AMPD1: variants seen among roughly 807,000 people sequenced by gnomAD.
The protein encoded by AMPD1 is AMP deaminase 1.
A neutral mutation model predicts 82.9 loss-of-function variants in AMPD1; 74 were observed. That is an observed-to-expected ratio of 0.89 (90% CI 0.74 to 1.08). AMPD1 has a LOEUF of 1.08. AMPD1 is among the 50% of genes least tolerant of loss of function. The pLI is 0.00. For synonymous variants in AMPD1, 333 were observed against 320.5 expected (o/e 1.04, Z -0.42); for missense variants, 881 against 924.5 (o/e 0.95, Z 0.61).
At position 114,677,964 on chromosome 1, in the gene AMPD1, G is replaced by C. The variant is rs566349141; in HGVS notation, c.1170C>G (p.Leu390=). 2.5e-5 allele frequency: 41 copies of C among 1,613,962 alleles called. 3 individuals carry two copies. In the South Asian group the frequency reaches 3.7e-4, roughly 15 times the overall value. ...TAATGTAATTGTCTGTCTTCAAGTA[G>C]AGGTCCCGTAGCTCACTTGCTCCTA... is the stretch of plus-strand genomic sequence containing the variant. The part of the protein sequence containing the change: ...NPVGASELRD[L]YLKTDNYING... Residue 390 remains leucine, a synonymous_variant, in exon 9 of 16, where the codon CTC becomes CTG. Transcript: ENST00000520113.
chr1:114,685,709 T>G (rs1195962435), intron 4 of AMPD1, among the ~76,000 whole-genome samples: 2 of 152,218 alleles, frequency 1.3e-5, no homozygotes, highest in Non-Finnish European at 2.9e-5. Flanking sequence ...GGTATGAAGT[T>G]TATCTCCAAA....
At chr1:114,688,387 C>T (rs1053045257) in intron 3 of AMPD1, among the ~76,000 whole-genome samples, 174 bp downstream of exon 3, 5 of 152,204 alleles carry the variant, frequency 3.3e-5, no homozygotes, top group South Asian at 2.1e-4. Flanking sequence ...CTCGGCCTCC[C>T]AGAGTGCTGG....
rs200543002 is a variant in AMPD1, at chr1:114,686,890, C to A, written c.236G>T (p.Arg79Leu). The A allele has an allele frequency of 1.2e-6, 2 of 1,614,044 alleles. No individual in the cohort carries two copies. The highest frequency in any genetic ancestry group is 2.7e-5 in the African/African-American group (2 of 74,916). Residue 79 changes from arginine (R) to leucine (L), a missense_variant, in exon 4 of 16, where the codon CGG becomes CTG. Around this residue, in one of 2 missense-constraint regions of AMPD1, gnomAD observed 783 missense variants for 786.4 expected, o/e 1.00. Coordinates refer to ENST00000520113, the MANE Select transcript of AMPD1 (RefSeq NM_000036.3). ...EARRKKRFQGRKTVNLSIPLS... is the reference protein window; with the variant it reads ...EARRKKRFQGLKTVNLSIPLS... ...TGGAATGGACAAATTAACAGTCTTC[C>A]GTCCTTGGAAACGCTTTTTTCTGGG...
intron 5 of AMPD1, 92 bp downstream of exon 5, chr1:114,684,107 T>C: frequency 1.5e-6 from 2 of 1,340,378 alleles, no homozygotes; most frequent in South Asian, 2.6e-5. Flanking sequence ...ATTTTTAGAC[T>C]GGATTACTTA....
At chr1:114,678,144 G>C (rs2101714598) in intron 8 of AMPD1, 103 bp from the exon 9 acceptor site, 1 of 1,507,720 alleles carries the variant, frequency 6.6e-7, no homozygotes, top group Non-Finnish European at 9.2e-7. Context: ...AGTGGGGGAG[G>C]GCATTGGGCT....
At position 114,674,843 on chromosome 1, in the gene AMPD1, C is replaced by G; in HGVS notation, c.1709G>C (p.Arg570Pro). 2 of 1,613,968 alleles carry G rather than the reference C, an allele frequency of 1.2e-6. No individual in the cohort carries two copies. The highest frequency in any genetic ancestry group is 1.3e-5 in the African/African-American group (1 of 74,978). Residue 570 changes from arginine to proline, a missense_variant, in exon 13 of 16, where the codon CGA (arginine) becomes CCA (proline). By Grantham distance (103) the Arg-to-Pro change is moderately radical. Around this residue, in one of 2 missense-constraint regions of AMPD1, gnomAD observed 783 missense variants for 786.4 expected, o/e 1.00. Coordinates refer to ENST00000520113, the MANE Select transcript of AMPD1 (RefSeq NM_000036.3). Reference sequence around the variant, plus strand: ...GGCTCCAGCTTCTCCACAGTGAGGTCGGAACAGAAACGTATTCATGCCTCG... The same window carrying G: ...GGCTCCAGCTTCTCCACAGTGAGGTGGGAACAGAAACGTATTCATGCCTCG... ...KERGMNTFLF[R>P]PHCGEAGALT...
rs1344285896 is a variant in AMPD1 at position 114,673,267 on chromosome 1, T to TC, written c.2090_2091insG (p.Val698SerfsTer10). On this transcript the variant is annotated frameshift_variant, in exon 16 of 16. Coordinates refer to ENST00000520113, the MANE Select transcript of AMPD1 (RefSeq NM_000036.3). LOFTEE classifies it high-confidence loss of function. ...GGTAATTGTCGCCCAGAAACTTTAC[T>TC]TTCTCCTATAAGAGAAAAGGATGGC... 2 of 1,614,014 alleles carry TC rather than the reference T, an allele frequency of 1.2e-6. No individual in the cohort carries two copies. Among genetic ancestry groups the TC allele is most frequent in the African/African-American group, 2.7e-5 (2 of 74,938 alleles).
intron 1 of AMPD1, among the ~76,000 whole-genome samples, chr1:114,693,651 T>C (rs1169631490): frequency 6.6e-6 from 1 of 152,194 alleles, no homozygotes; most frequent in Non-Finnish European, 1.5e-5. Context: ...TTTTCTAATA[T>C]GTCTCTTAAC....
intron 2 of AMPD1, 72 bp from the exon 3 acceptor site, chr1:114,688,813 A>C (rs897344444): frequency 6.5e-7 from 1 of 1,544,908 alleles, no homozygotes; most frequent in African/African-American, 1.4e-5. Context: ...TGCTATGTGT[A>C]AGGCATGGGA....
Position 114,675,955 on chromosome 1 carries a change from C to T in AMPD1, c.1437G>A (p.Leu479=). 6.2e-7 allele frequency: 1 copy of T among 1,614,092 alleles called. No individual in the cohort carries two copies. The highest frequency in any genetic ancestry group is 8.5e-7 in the Non-Finnish European group (1 of 1,179,996). The change falls in exon 11 of 16, where the codon CTG becomes CTA. Residue 479 remains leucine, a synonymous_variant. Coordinates refer to ENST00000520113, the MANE Select transcript of AMPD1 (RefSeq NM_000036.3). The stretch of plus-strand genomic sequence containing the variant: ...CAAACACTGGCATGAAAATATTCTC[C>T]AGCATTTTTCCAAAATGTGGAAGGA... ...KNFLPHFGKM[L]ENIFMPVFEA...
chr1:114,694,346 ACC>A (rs1658615483), intron 1 of AMPD1, among the ~76,000 whole-genome samples: 1 of 152,224 alleles, frequency 6.6e-6, no homozygotes, highest in East Asian at 1.9e-4. Context: ...GGTTTGGGAT[ACC>A]ATGGTAAAAG....
At chr1:114,680,524 C>G in intron 5 of AMPD1, 46 bp from the exon 6 acceptor site, 1 of 1,550,976 alleles carries the variant, frequency 6.4e-7, no homozygotes, top group Admixed American at 1.7e-5. Flanking sequence ...ATAGGATGAA[C>G]GACCACATAA....
At position 114,686,750 on chromosome 1, in the gene AMPD1, A is replaced by T; in HGVS notation, c.376T>A (p.Ser126Thr). ...AGTGGCAAGGACCAACTCACCCCAG[A>T]GGCATAGTCACCAGTAATCTGCACT... ...QRVQITGDYA[S>T]GVTVEDFEIV... The change falls in exon 4 of 16, where the codon TCT becomes ACT. Residue 126 changes from serine to threonine, a missense_variant. By Grantham distance (58) the Ser-to-Thr change is moderately conservative (BLOSUM62 1). This residue lies in a region of AMPD1 where 783 missense variants were observed against 786.4 expected (regional missense o/e 1.00). Coordinates refer to ENST00000520113, the MANE Select transcript of AMPD1 (RefSeq NM_000036.3). The T allele has an allele frequency of 6.2e-7, 1 of 1,614,060 alleles. No homozygotes were observed. The highest frequency in any genetic ancestry group is 8.5e-7 in the Non-Finnish European group (1 of 1,179,932).
intron 4 of AMPD1, among the ~76,000 whole-genome samples, chr1:114,684,962 A>G (rs1658267123): frequency 6.6e-6 from 1 of 152,190 alleles, no homozygotes; most frequent in Non-Finnish European, 1.5e-5. Context: ...GAGATTCTAG[A>G]GGAAAGCTTT....
In AMPD1 at chr1:114,676,011, C is replaced by T. The variant is rs754531963; in HGVS notation, c.1389-8G>A. 2.5e-6 allele frequency: 4 copies of T among 1,613,580 alleles called. No homozygotes were observed. The highest frequency in any genetic ancestry group is 2.5e-6 in the Non-Finnish European group (3 of 1,179,928). On this transcript the variant is annotated splice_region_variant and splice_polypyrimidine_tract_variant and intron_variant, in intron 10 of 15. Coordinates refer to ENST00000520113, the MANE Select transcript of AMPD1 (RefSeq NM_000036.3). ...TTGGAACGGAACACATCACTAGAGG[C>T]AAGAATGAAGAGAATTTAGGAGAAA... is the stretch of plus-strand genomic sequence containing the variant.
At position 114,677,405 on chromosome 1, in the gene AMPD1, C is replaced by T. The variant is rs138711341; in HGVS notation, c.1334G>A (p.Cys445Tyr). 60 of 1,611,258 alleles carry T rather than the reference C, an allele frequency of 3.7e-5. No individual in the cohort carries two copies. The highest frequency in any genetic ancestry group is 4.7e-5 in the Non-Finnish European group (56 of 1,179,550). Residue 445 changes from cysteine (C) to tyrosine (Y), a missense_variant, in exon 10 of 16, where the codon TGC becomes TAC. By Grantham distance (194) the Cys-to-Tyr change is radical. Around this residue, in one of 2 missense-constraint regions of AMPD1, gnomAD observed 783 missense variants for 786.4 expected, o/e 1.00. Transcript: ENST00000520113. ...CATGTTGGGGCAGTGGATGCGATTG[C>T]AGACGAACCAGGAGGAGAGTTTGCT... ...EWSKLSSWFV[C>Y]NRIHCPNMTW...
chr1:114,675,394 G>A, intron 12 of AMPD1, 136 bp downstream of exon 12: 1 of 958,400 alleles, frequency 1.0e-6, no homozygotes. Context: ...AAAAAGTTAA[G>A]AGAAAGAAAT....
intron 7 of AMPD1, 121 bp downstream of exon 7, chr1:114,679,456 TAA>T (rs1417782086): frequency 8.7e-6 from 12 of 1,379,388 alleles, no homozygotes; most frequent in Non-Finnish European, 1.0e-5. Context: ...CTGTTTTTAC[TAA>T]AATCCACTGA....
At chr1:114,688,907 G>T (rs765466447) in intron 2 of AMPD1, 166 bp from the exon 3 acceptor site, 1 of 799,426 alleles carries the variant, frequency 1.3e-6, no homozygotes, top group South Asian at 1.3e-5. Flanking sequence ...CTTTTAGTGG[G>T]TTTCTGTGTG....
Sources: gnomAD v4.1 joint callset for allele counts (sites outside exome capture counted in the v4.1 genomes callset) on GRCh38, gnomAD v4.1.1 for gene constraint, gnomAD v4.1.1 regional missense constraint, MANE v1.5 for transcripts, NCBI Gene and HGNC (gene_info 2026-07-23, HGNC 2026-07-21) for gene names.